PKNOX2: variants seen among roughly 807,000 people sequenced by gnomAD.
PKNOX2 encodes the protein PBX/knotted 1 homeobox 2.
In PKNOX2, 14 loss-of-function variants were observed where a neutral mutation model predicts 53.1. That is an observed-to-expected ratio of 0.26 (90% CI 0.17 to 0.41). PKNOX2 has a LOEUF of 0.41. Among genes scored for constraint, PKNOX2 ranks in the 10% least tolerant of loss-of-function variants. PKNOX2 has a pLI of 1.00. For synonymous variants in PKNOX2, 257 were observed against 242.8 expected, an observed-to-expected ratio of 1.06 and a Z score of -0.54; for missense variants, 496 against 602.8, an observed-to-expected ratio of 0.82 and a Z score of 1.85.
intron 1 of PKNOX2, among the ~76,000 whole-genome samples, chr11:125,213,130 G>A (rs1223116737): frequency 6.6e-6 from 1 of 152,042 alleles, no homozygotes; most frequent in Non-Finnish European, 1.5e-5. Flanking sequence ...CTAAATCCAG[G>A]CTCTAGAATT....
At chr11:125,202,949 T>C in intron 1 of PKNOX2, among the ~76,000 whole-genome samples, 1 of 152,194 alleles carries the variant, frequency 6.6e-6, no homozygotes, top group South Asian at 2.1e-4. Flanking sequence ...TTGCAGTCCC[T>C]GAATATATGG....
chr11:125,390,027 C>G (rs933440659), intron 6 of PKNOX2, among the ~76,000 whole-genome samples: 1 of 152,142 alleles, frequency 6.6e-6, no homozygotes, highest in Non-Finnish European at 1.5e-5. Context: ...CAGCGGCATT[C>G]AGAGACTTAG....
intron 6 of PKNOX2, among the ~76,000 whole-genome samples, chr11:125,388,203 G>A (rs1272492232): frequency 2.6e-5 from 4 of 151,962 alleles, no homozygotes; most frequent in Non-Finnish European, 4.4e-5. Context: ...GCCAACCACC[G>A]GAGCCATCAT....
intron 4 of PKNOX2, among the ~76,000 whole-genome samples, chr11:125,355,632 C>G (rs369539963): frequency 6.6e-6 from 1 of 152,210 alleles, no homozygotes; most frequent in African/African-American, 2.4e-5. Flanking sequence ...TGTTCTGTAT[C>G]TCTGCCATAG....
At chr11:125,265,059 C>T (rs773334205) in intron 2 of PKNOX2, among the ~76,000 whole-genome samples, 20 of 152,208 alleles carry the variant, frequency 1.3e-4, no homozygotes, top group South Asian at 1.0e-3. Context: ...GAGGCGAAGG[C>T]GGGCAGATCA....
At chr11:125,206,744 A>C (rs551142229) in intron 1 of PKNOX2, among the ~76,000 whole-genome samples, 1 of 152,250 alleles carries the variant, frequency 6.6e-6, no homozygotes, top group South Asian at 2.1e-4. Flanking sequence ...TCAGCATAAC[A>C]AGCTAACAGA....
intron 1 of PKNOX2, among the ~76,000 whole-genome samples, chr11:125,183,914 A>T (rs117022078): frequency 7.9e-5 from 12 of 152,276 alleles, no homozygotes; most frequent in African/African-American, 1.4e-4. Context: ...ACTCTGAGCA[A>T]ATGTGATATG....
At chr11:125,227,230 G>C (rs1941777127) in intron 1 of PKNOX2, among the ~76,000 whole-genome samples, 1 of 152,156 alleles carries the variant, frequency 6.6e-6, no homozygotes, top group African/African-American at 2.4e-5. Flanking sequence ...TGGGTTGCTA[G>C]ATGGTGCATG....
intron 6 of PKNOX2, among the ~76,000 whole-genome samples, chr11:125,391,930 C>T (rs1309213461): frequency 4.6e-5 from 7 of 152,042 alleles, no homozygotes; most frequent in South Asian, 2.1e-4. Flanking sequence ...CACATGACCC[C>T]GATCATTTAG....
chr11:125,364,724 A>G (rs1423707989), intron 4 of PKNOX2, among the ~76,000 whole-genome samples: 1 of 152,232 alleles, frequency 6.6e-6, no homozygotes, highest in Middle Eastern at 3.2e-3. Context: ...CCATCTGTGA[A>G]GCGCTCTAGA....
chr11:125,266,402 T>A (rs2135764154), intron 2 of PKNOX2, among the ~76,000 whole-genome samples: 1 of 152,326 alleles, frequency 6.6e-6, no homozygotes, highest in Admixed American at 6.5e-5. Flanking sequence ...CAGTGTGATG[T>A]CCTTGATTCT....
At chr11:125,308,165 A>G (rs1286167312) in intron 2 of PKNOX2, among the ~76,000 whole-genome samples, 1 of 152,172 alleles carries the variant, frequency 6.6e-6, no homozygotes, top group Non-Finnish European at 1.5e-5. Flanking sequence ...GGCCTTCCTT[A>G]GAATGTGCCC....
At chr11:125,330,737 A>G (rs1950091285) in intron 2 of PKNOX2, among the ~76,000 whole-genome samples, 1 of 152,038 alleles carries the variant, frequency 6.6e-6, no homozygotes, top group East Asian at 1.9e-4. Flanking sequence ...GAGGTGAGAA[A>G]GTCTCATTGT....
intron 1 of PKNOX2, among the ~76,000 whole-genome samples, chr11:125,205,786 A>C (rs1354815706): frequency 6.6e-6 from 1 of 152,132 alleles, no homozygotes; most frequent in African/African-American, 2.4e-5. Context: ...GATACTTAAA[A>C]AGATGAAAAT....
chr11:125,243,908 C>T (rs1443375943), intron 2 of PKNOX2, among the ~76,000 whole-genome samples: 1 of 152,218 alleles, frequency 6.6e-6, no homozygotes, highest in Admixed American at 6.5e-5. Flanking sequence ...AGGCGTGAGC[C>T]ACCATGCCCA....
At chr11:125,373,422 A>G (rs941330584) in intron 5 of PKNOX2, among the ~76,000 whole-genome samples, 2 of 152,194 alleles carry the variant, frequency 1.3e-5, no homozygotes, top group South Asian at 4.1e-4. Context: ...CCATCACTGG[A>G]CACTAAAACT....
chr11:125,373,438 T>G (rs1490796603), intron 5 of PKNOX2, among the ~76,000 whole-genome samples: 1 of 152,226 alleles, frequency 6.6e-6, no homozygotes, highest in Non-Finnish European at 1.5e-5. Context: ...AAACTTTCTG[T>G]GACTCAGTTT....
chr11:125,207,873 C>T (rs905850939), intron 1 of PKNOX2, among the ~76,000 whole-genome samples: 2 of 151,984 alleles, frequency 1.3e-5, no homozygotes, highest in Non-Finnish European at 2.9e-5. Context: ...TACCTGTGGT[C>T]CTTGGATTGA....
At chr11:125,385,802 T>C in intron 6 of PKNOX2, 80 bp downstream of exon 6, 1 of 1,494,120 alleles carries the variant, frequency 6.7e-7, no homozygotes, top group Non-Finnish European at 9.0e-7. Flanking sequence ...AAATGATCCT[T>C]TCATTAATTT....
Sources: allele counts gnomAD v4.1 joint callset (sites outside exome capture counted in the v4.1 genomes callset), GRCh38; gene constraint gnomAD v4.1.1; transcripts MANE v1.5; gene names NCBI Gene and HGNC (gene_info 2026-07-23, HGNC 2026-07-21).